The following CCDC28A variants were observed in gnomAD, a reference collection of about 807,000 sequenced individuals.
CCDC28A encodes the protein coiled-coil domain containing 28A, also known as coiled-coil domain-containing protein 28A.
Under a neutral mutation model 22.1 loss-of-function variants are expected in CCDC28A, and 24 were observed. The ratio of observed to expected loss-of-function variants is 1.09; its 90% confidence interval spans 0.79 to 1.53. The LOEUF (loss-of-function observed/expected upper bound fraction) is 1.53, where lower values mean the gene tolerates loss of function less well. Among genes scored for constraint, CCDC28A ranks in the 40% most tolerant of loss-of-function variants. CCDC28A has a pLI of 0.00. For synonymous variants in CCDC28A, 83 were observed against 74.7 expected, an observed-to-expected ratio of 1.11 and a Z score of -0.57; for missense variants, 170 against 210.7, an observed-to-expected ratio of 0.81 and a Z score of 1.20.
Position 138,776,124 on chromosome 6 carries a change from G to A in CCDC28A, c.4G>A (p.Glu2Lys), listed in dbSNP as rs1472473468. ...GTGCAATAAGGAACTTAAAACAATG[G>A]AAGAGCGGAAAGTGAAGAGGAGGAG... is the stretch of plus-strand genomic sequence containing the variant. M[E>K]ERKVKRRSPK... is the part of the protein sequence containing the mutation. The change falls in exon 2 of 6, where the codon GAA becomes AAA. Residue 2 changes from glutamate to lysine, a missense_variant. Glu to Lys is a moderately conservative substitution (Grantham distance 56, BLOSUM62 1). Coordinates refer to ENST00000617445, the MANE Select transcript of CCDC28A (RefSeq NM_015439.3). 1.2e-6 allele frequency: 2 copies of A among 1,614,014 alleles called. No individual in the cohort carries two copies. Among genetic ancestry groups the A allele is most frequent in the Admixed American group, 1.7e-5 (1 of 60,000 alleles).
intron 3 of CCDC28A, among the ~76,000 whole-genome samples, chr6:138,780,298 G>A (rs1328251732): frequency 6.6e-6 from 1 of 152,124 alleles, no homozygotes; most frequent in African/African-American, 2.4e-5. Context: ...TAGACTTAGT[G>A]TCTTCGTTTT....
intron 4 of CCDC28A, among the ~76,000 whole-genome samples, chr6:138,786,214 C>T (rs1655174921): frequency 6.6e-6 from 1 of 152,176 alleles, no homozygotes; most frequent in Non-Finnish European, 1.5e-5. Context: ...TGAGAGCCCA[C>T]CCTGATGACC....
chr6:138,785,419 A>T lies in CCDC28A; in HGVS notation c.477+38A>T, dbSNP rs779127383. On this transcript the variant is annotated intron_variant, in intron 4 of 5. Transcript: ENST00000617445. ...CTTTTTCTTTGTTCTTTAAAAAAAA[A>T]TTTTTGTTGCGAAAAAATGTACCTT... The T allele has an allele frequency of 7.9e-6, 12 of 1,520,832 alleles. No individual in the cohort carries two copies. The East Asian group carries it at 9.0e-5, about 11-fold the overall frequency. 94.2% of individuals were successfully genotyped at this position (1,520,832 alleles called of 1,614,324 possible).
At chr6:138,777,945 T>TG (rs1774959795) in intron 2 of CCDC28A, among the ~76,000 whole-genome samples, 2 of 152,294 alleles carry the variant, frequency 1.3e-5, no homozygotes, top group South Asian at 4.1e-4. Flanking sequence ...CAGTGTGGGA[T>TG]GGGGGGCTTC....
chr6:138,778,098 C>T (rs748500416), intron 2 of CCDC28A, among the ~76,000 whole-genome samples: 1 of 152,100 alleles, frequency 6.6e-6, no homozygotes, highest in Non-Finnish European at 1.5e-5. Context: ...GACCTACTGT[C>T]AACAATGTAT....
intron 2 of CCDC28A, among the ~76,000 whole-genome samples, chr6:138,779,231 G>A (rs1164811090): frequency 6.6e-6 from 1 of 152,230 alleles, no homozygotes; most frequent in Non-Finnish European, 1.5e-5. Context: ...ATGGGAGAAA[G>A]AGAACTGGAG....
intron 3 of CCDC28A, among the ~76,000 whole-genome samples, chr6:138,780,435 A>T (rs1774998073): frequency 6.6e-6 from 1 of 152,236 alleles, no homozygotes; most frequent in Non-Finnish European, 1.5e-5. Flanking sequence ...ATATAAGAAT[A>T]GTTAACTGAT....
At chr6:138,778,769 C>CT (rs1304442970) in intron 2 of CCDC28A, among the ~76,000 whole-genome samples, 3,832 of 140,152 alleles carry the variant, frequency 0.027, 147 homozygotes, top group African/African-American at 0.086. Flanking sequence ...GCTACTAAAG[C>CT]TTTTTTTTTT....
At chr6:138,781,356 A>C (rs184661205) in intron 3 of CCDC28A, among the ~76,000 whole-genome samples, 1 of 152,224 alleles carries the variant, frequency 6.6e-6, no homozygotes. Context: ...GCCACCAAAC[A>C]CAATGGCATA....
At chr6:138,784,642 T>C (rs1312218745) in intron 3 of CCDC28A, among the ~76,000 whole-genome samples, 1 of 152,162 alleles carries the variant, frequency 6.6e-6, no homozygotes, top group Non-Finnish European at 1.5e-5. Flanking sequence ...ATTATAGGCA[T>C]GAGCCACCAT....
At chr6:138,787,882 A>G (rs1301695785) in intron 4 of CCDC28A, among the ~76,000 whole-genome samples, 1 of 151,840 alleles carries the variant, frequency 6.6e-6, no homozygotes, top group African/African-American at 2.4e-5. Flanking sequence ...TTATTTTTGC[A>G]AAAAGGAATT....
In CCDC28A at chr6:138,782,944, G is replaced by GT. The variant is rs779090626; in HGVS notation, c.323-2273dup. On this transcript the variant is annotated intron_variant, in intron 3 of 5. Coordinates refer to ENST00000617445, the MANE Select transcript of CCDC28A (RefSeq NM_015439.3). The stretch of plus-strand genomic sequence containing the variant: ...TAGTACCTTTAGGAAAAACAGAAAG[G>GT]TTTTTTTTTTAAAAAATTCTACTAT... Among the ~76,000 whole-genome samples, 501 of 150,552 alleles carry GT rather than the reference G, an allele frequency of 3.3e-3. 1 individual carries two copies. Among genetic ancestry groups the GT allele is most frequent in the Non-Finnish European group, 6.0e-3 (403 of 67,556 alleles).
In CCDC28A at chr6:138,792,849, T is replaced by G. The variant is rs1194678397; in HGVS notation, c.*46T>G. The stretch of plus-strand genomic sequence containing the variant: ...CTTGTGATTTGAAGAGAAGCAGCAG[T>G]CTTTACTTTTCCAGCCAAATCCAGT... On this transcript the variant is annotated 3_prime_UTR_variant, in exon 6 of 6. Transcript: ENST00000617445. 1 of 1,309,034 alleles carries G rather than the reference T, an allele frequency of 7.6e-7. No individual in the cohort carries two copies. Among genetic ancestry groups the G allele is most frequent in the South Asian group, 1.2e-5 (1 of 81,784 alleles). 81.1% of individuals were successfully genotyped at this position (1,309,034 alleles called of 1,614,324 possible).
At position 138,773,906 on chromosome 6, in the gene CCDC28A, T is replaced by G. The variant is rs1473072651; in HGVS notation, c.-43+4T>G. The G allele has an allele frequency of 1.9e-6, 3 of 1,612,266 alleles. No individual in the cohort carries two copies. The highest frequency in any genetic ancestry group is 2.5e-6 in the Non-Finnish European group (3 of 1,179,994). On this transcript the variant is annotated splice_donor_region_variant and intron_variant, in intron 1 of 5. Coordinates refer to ENST00000617445, the MANE Select transcript of CCDC28A (RefSeq NM_015439.3). ...CCCCAATACCCTTCTTCTTCAGGTA[T>G]GTAGTGGAAGCAAAGGAACCTCCGC...
intron 5 of CCDC28A, among the ~76,000 whole-genome samples, chr6:138,789,931 G>A (rs79098656): frequency 0.011 from 1,619 of 152,292 alleles, 27 homozygotes; most frequent in African/African-American, 0.036. Flanking sequence ...TTGGAAGTGG[G>A]TGGTGTTATG....
At chr6:138,790,413 G>A (rs773210058) in intron 5 of CCDC28A, among the ~76,000 whole-genome samples, 11 of 152,210 alleles carry the variant, frequency 7.2e-5, no homozygotes, top group Non-Finnish European at 1.3e-4. Context: ...GCCTCCCAAA[G>A]TGTTGGGATT....
At chr6:138,778,318 CTT>C in intron 2 of CCDC28A, among the ~76,000 whole-genome samples, 1 of 152,298 alleles carries the variant, frequency 6.6e-6, no homozygotes, top group Middle Eastern at 3.4e-3. Context: ...ATAAATTACT[CTT>C]TCTCCCATTT....
chr6:138,779,965 C>T lies in CCDC28A; in HGVS notation c.302C>T (p.Ser101Phe), dbSNP rs62440896. The T allele has an allele frequency of 1.2e-6, 2 of 1,609,392 alleles. No homozygotes were observed. The highest frequency in any genetic ancestry group is 1.3e-5 in the African/African-American group (1 of 74,606). ...GLLSLLNDFH[S>F]GKLQAFGNEC... Reference sequence around the variant, plus strand: ...CTCAGTCTTTTGAATGATTTCCACTCTGGAAAACTTCAAGCATTTGGTAAG... The same window carrying T: ...CTCAGTCTTTTGAATGATTTCCACTTTGGAAAACTTCAAGCATTTGGTAAG... The change falls in exon 3 of 6, where the codon TCT becomes TTT. Residue 101 changes from serine to phenylalanine, a missense_variant. By Grantham distance (155) the Ser-to-Phe change is radical. Coordinates refer to ENST00000617445, the MANE Select transcript of CCDC28A (RefSeq NM_015439.3).
In CCDC28A at chr6:138,776,129, G is replaced by A. The variant is rs145073270; in HGVS notation, c.9G>A (p.Glu3=). Residue 3 remains glutamate, a synonymous_variant, in exon 2 of 6, where the codon GAG becomes GAA. Coordinates refer to ENST00000617445, the MANE Select transcript of CCDC28A (RefSeq NM_015439.3). ...ATAAGGAACTTAAAACAATGGAAGA[G>A]CGGAAAGTGAAGAGGAGGAGTCCTA... The part of the protein sequence containing the change: ME[E]RKVKRRSPKS... 160 of 1,614,058 alleles carry A rather than the reference G, an allele frequency of 9.9e-5. No individual in the cohort carries two copies. Among genetic ancestry groups the A allele is most frequent in the Non-Finnish European group, 1.2e-4 (142 of 1,180,024 alleles).
Sources: gnomAD v4.1 joint callset for allele counts (sites outside exome capture counted in the v4.1 genomes callset) on GRCh38, gnomAD v4.1.1 for gene constraint, MANE v1.5 for transcripts, NCBI Gene and HGNC (gene_info 2026-07-23, HGNC 2026-07-21) for gene names.